The following SGPP1 variants were observed in gnomAD, a reference collection of about 807,000 sequenced individuals.
The protein encoded by SGPP1 is hSPP1.
Under a neutral mutation model 33.0 loss-of-function variants are expected in SGPP1, and 21 were observed. The ratio of observed to expected loss-of-function variants is 0.64; its 90% CI spans 0.45 to 0.92. The LOEUF is 0.92. Ranked by LOEUF, SGPP1 falls within the 40% of genes least tolerant of loss-of-function variation. The pLI is 0.00. For missense variants in SGPP1, 543 were observed against 589.4 expected (o/e 0.92, Z 0.81); for synonymous variants, 239 against 241.2 (o/e 0.99, Z 0.08).
chr14:63,703,823 T>C lies in SGPP1; in HGVS notation c.685-5165A>G, dbSNP rs58139980. Among the ~76,000 whole-genome samples, 738 of 146,700 alleles carry C rather than the reference T, an allele frequency of 5.0e-3. 5 individuals carry two copies. The highest frequency in any genetic ancestry group is 0.018 in the African/African-American group (702 of 39,556). On this transcript the variant is annotated intron_variant, in intron 1 of 2. Coordinates refer to ENST00000247225, the MANE Select transcript of SGPP1 (RefSeq NM_030791.4). ...AAGTTTTTTTTTTTTTTTTTTTTTT[T>C]GGCGGCAGGTGGGGAGTGGGGTCTC...
intron 2 of SGPP1, among the ~76,000 whole-genome samples, chr14:63,694,844 T>G (rs1885156526): frequency 6.6e-6 from 1 of 152,124 alleles, no homozygotes; most frequent in Non-Finnish European, 1.5e-5. Context: ...ACCCCAAAAT[T>G]TGTTAATTAC....
intron 1 of SGPP1, among the ~76,000 whole-genome samples, chr14:63,703,800 GTTT>G (rs57439548): frequency 1.0e-5 from 1 of 98,922 alleles, no homozygotes. Context: ...CCCTATTTAA[GTTT>G]TTTTTTTTTT....
Position 63,692,652 on chromosome 14 carries a change from A to ATGTTGCTCAGGCTGG in SGPP1, c.774+5902_774+5916dup, listed in dbSNP as rs551148284. ...TTTTTTGTAGAGACAGGCTTTCCCT[A>ATGTTGCTCAGGCTGG]TGTTGCTCAGGCTGGTCTTGAACTC... On this transcript the variant is annotated intron_variant, in intron 2 of 2. Coordinates refer to ENST00000247225, the MANE Select transcript of SGPP1 (RefSeq NM_030791.4). 7.2e-4 allele frequency among the ~76,000 whole-genome samples: 110 copies of ATGTTGCTCAGGCTGG among 151,950 alleles called. 2 individuals carry two copies. In the East Asian group the frequency reaches 0.012, roughly 17 times the overall value.
chr14:63,708,240 T>C (rs911868027), intron 1 of SGPP1, among the ~76,000 whole-genome samples: 9 of 149,732 alleles, frequency 6.0e-5, no homozygotes, highest in African/African-American at 2.2e-4. Context: ...TCACTGGCTA[T>C]AGCAGCAATC....
chr14:63,703,651 A>G (rs914451615), intron 1 of SGPP1, among the ~76,000 whole-genome samples: 3 of 126,446 alleles, frequency 2.4e-5, no homozygotes, highest in African/African-American at 1.0e-4. Flanking sequence ...GAGAGACTCC[A>G]TCTCAAAAAA....
intron 1 of SGPP1, among the ~76,000 whole-genome samples, chr14:63,707,303 T>C (rs949460587): frequency 1.3e-5 from 2 of 152,016 alleles, no homozygotes; most frequent in African/African-American, 4.8e-5. Context: ...ACCATACTAG[T>C]CGATATAATC....
intron 1 of SGPP1, among the ~76,000 whole-genome samples, chr14:63,711,096 C>T (rs1005250318): frequency 9.9e-5 from 15 of 151,550 alleles, no homozygotes; most frequent in African/African-American, 3.6e-4. Flanking sequence ...TCACTGCAAC[C>T]TCTGCCTCCC....
At chr14:63,719,993 G>A (rs1595072986) in intron 1 of SGPP1, among the ~76,000 whole-genome samples, 1 of 151,696 alleles carries the variant, frequency 6.6e-6, no homozygotes, top group African/African-American at 2.4e-5. Context: ...GGACATGGTG[G>A]TAGGTGCCGG....
chr14:63,686,745 T>C, intron 2 of SGPP1, 89 bp from the exon 3 acceptor site: 1 of 931,862 alleles, frequency 1.1e-6, no homozygotes, highest in Non-Finnish European at 1.5e-6. Context: ...TTTCAAATGT[T>C]GAATATACAT....
intron 1 of SGPP1, among the ~76,000 whole-genome samples, chr14:63,700,219 CT>C (rs1418852176): frequency 6.6e-6 from 1 of 152,032 alleles, no homozygotes; most frequent in Non-Finnish European, 1.5e-5. Context: ...ATTTTTTTAA[CT>C]ACTTCTAGAC....
intron 1 of SGPP1, among the ~76,000 whole-genome samples, chr14:63,723,364 ACTCTT>A (rs905756561): frequency 2.6e-5 from 4 of 151,922 alleles, no homozygotes; most frequent in African/African-American, 4.8e-5. Context: ...TATATACAAA[ACTCTT>A]TAAGTAATTA....
intron 2 of SGPP1, among the ~76,000 whole-genome samples, chr14:63,695,969 C>T (rs1177207862): frequency 6.6e-6 from 1 of 151,096 alleles, no homozygotes; most frequent in Non-Finnish European, 1.5e-5. Context: ...TTTGACTAAC[C>T]CAACTAAACA....
At chr14:63,688,340 AAAAT>A (rs2139624395) in intron 2 of SGPP1, among the ~76,000 whole-genome samples, 1 of 148,746 alleles carries the variant, frequency 6.7e-6, no homozygotes, top group African/African-American at 2.5e-5. Flanking sequence ...AAAAAAAAAA[AAAAT>A]TTTAAAAGAA....
chr14:63,692,594 C>T (rs113208383), intron 2 of SGPP1, among the ~76,000 whole-genome samples: 3,598 of 152,082 alleles, frequency 0.024, 148 homozygotes, highest in African/African-American at 0.081. Flanking sequence ...GGACTACAGG[C>T]GCAAGCCACC....
chr14:63,686,751 T>G (rs750589827), intron 2 of SGPP1, 95 bp from the exon 3 acceptor site: 5 of 913,106 alleles, frequency 5.5e-6, no homozygotes, highest in Non-Finnish European at 7.9e-6. Flanking sequence ...ATGTTGAATA[T>G]ACATAAATTT....
At chr14:63,688,938 G>A (rs1218092672) in intron 2 of SGPP1, among the ~76,000 whole-genome samples, 1 of 151,972 alleles carries the variant, frequency 6.6e-6, no homozygotes, top group Non-Finnish European at 1.5e-5. Flanking sequence ...AGCCAGGATG[G>A]TCTCTATCTC....
intron 1 of SGPP1, among the ~76,000 whole-genome samples, chr14:63,714,643 ACTC>A (rs1340236094): frequency 6.6e-6 from 1 of 150,900 alleles, no homozygotes; most frequent in Non-Finnish European, 1.5e-5. Context: ...CTGGTCTCGA[ACTC>A]CTGGCCTCAA....
At chr14:63,701,425 T>C (rs73265710) in intron 1 of SGPP1, among the ~76,000 whole-genome samples, 9,287 of 152,148 alleles carry the variant, frequency 0.061, 940 homozygotes, top group African/African-American at 0.21. Context: ...CAGGTTACAG[T>C]ATTAAATAGA....
intron 1 of SGPP1, among the ~76,000 whole-genome samples, 153 bp from the exon 2 acceptor site, chr14:63,698,811 T>C (rs192572265): frequency 7.0e-4 from 107 of 152,326 alleles, no homozygotes; most frequent in African/African-American, 2.5e-3. Context: ...TAACCCTGAG[T>C]ATGGCACATG....
Sources: gnomAD v4.1 joint callset for allele counts (sites outside exome capture counted in the v4.1 genomes callset) on GRCh38, gnomAD v4.1.1 for gene constraint, MANE v1.5 for transcripts, NCBI Gene and HGNC (gene_info 2026-07-23, HGNC 2026-07-21) for gene names.